Variants in PHEX observed in about 807,000 individuals in gnomAD.
PHEX encodes phosphate-regulating neutral endopeptidase PHEX.
Under a neutral mutation model 68.0 loss-of-function variants are expected in PHEX, and 16 were observed. The observed-to-expected ratio is 0.24, with a 90% CI of 0.16 to 0.36. The LOEUF is 0.36. PHEX is among the 10% of genes least tolerant of loss of function. The probability of loss-of-function intolerance (pLI) is 1.00; values close to 1 mark genes in which losing one functional copy is unlikely to be tolerated. For synonymous variants in PHEX, 208 were observed against 205.1 expected (o/e 1.01, Z -0.12); for missense variants, 480 against 575.5 (o/e 0.83, Z 1.70).
intron 9 of PHEX, among the ~76,000 whole-genome samples, chrX:22,109,343 C>T (rs1930852810): frequency 8.9e-6 from 1 of 111,970 alleles, no homozygotes; most frequent in African/African-American, 3.2e-5. Flanking sequence ...AAGAATTAAC[C>T]CAATGGTGTT....
At chrX:22,161,555 C>T (rs914724950) in intron 12 of PHEX, among the ~76,000 whole-genome samples, 7 of 112,165 alleles carry the variant, frequency 6.2e-5, no homozygotes, top group African/African-American at 2.3e-4. Flanking sequence ...TTTTCTGATA[C>T]TCTTGATGAC....
intron 5 of PHEX, among the ~76,000 whole-genome samples, chrX:22,086,555 G>C (rs1929637762): frequency 9.0e-6 from 1 of 111,297 alleles, no homozygotes; most frequent in Non-Finnish European, 1.9e-5. Flanking sequence ...TCCTTTGTCT[G>C]CTTGGAGTTT....
At chrX:22,072,972 A>C (rs1212734809) in intron 3 of PHEX, among the ~76,000 whole-genome samples, 3 of 112,257 alleles carry the variant, frequency 2.7e-5, no homozygotes, top group Non-Finnish European at 5.6e-5. Context: ...GTTAACACTG[A>C]TTGCAAAATA....
Position 22,250,552 on chromosome X carries a change from G to C in PHEX, c.*2599G>C, listed in dbSNP as rs947698245. ...GCCAGCGAACTGTTGTCTGGGCATT[G>C]GAAGGAGTTAGGTTTTTTGTGTTTG... On this transcript the variant is annotated 3_prime_UTR_variant, in exon 22 of 22. Coordinates refer to ENST00000379374, the MANE Select transcript of PHEX (RefSeq NM_000444.6). 5 of 112,019 alleles carry C rather than the reference G, an allele frequency of 4.5e-5. No homozygotes were observed. The highest frequency in any genetic ancestry group is 1.6e-4 in the African/African-American group (5 of 30,800). The allele number at this position is 112,019 out of a possible 1,213,427, so 9.2% of individuals were successfully genotyped here. A position where few individuals can be genotyped will look rare whatever the true frequency, so the allele number is the denominator to read the frequency against.
At chrX:22,115,096 G>A (rs937648230) in intron 11 of PHEX, among the ~76,000 whole-genome samples, 4 of 111,683 alleles carry the variant, frequency 3.6e-5, no homozygotes, top group African/African-American at 1.3e-4. Context: ...GAGAGGCTAA[G>A]CCGGGCAGAT....
At chrX:22,182,623 G>T (rs756834414) in intron 14 of PHEX, among the ~76,000 whole-genome samples, 3 of 104,251 alleles carry the variant, frequency 2.9e-5, no homozygotes, top group African/African-American at 7.6e-5. Context: ...TGTGTGTGTG[G>T]CTAGTTGTTC....
chrX:22,215,247 G>C (rs2301327), intron 16 of PHEX, among the ~76,000 whole-genome samples: 34,067 of 110,086 alleles, frequency 0.31, 4,012 homozygotes, highest in Middle Eastern at 0.37. Context: ...CTAAAGACTT[G>C]TTTGTCCTCA....
chrX:22,129,807 T>C (rs1292471496), intron 11 of PHEX, among the ~76,000 whole-genome samples: 1 of 111,653 alleles, frequency 9.0e-6, no homozygotes, highest in Non-Finnish European at 1.9e-5. Context: ...AGCATATGCA[T>C]GAAACCCAAA....
intron 5 of PHEX, among the ~76,000 whole-genome samples, chrX:22,086,308 C>A (rs1929626616): frequency 8.9e-6 from 1 of 111,924 alleles, no homozygotes; most frequent in African/African-American, 3.2e-5. Context: ...GGTAGTCCCA[C>A]CTCCCCTCTT....
At chrX:22,226,299 T>C in intron 18 of PHEX, 144 bp from the exon 19 acceptor site, 1 of 484,140 alleles carries the variant, frequency 2.1e-6, no homozygotes, top group Admixed American at 3.0e-5. Context: ...TACAATATAT[T>C]ATGCCTACCT....
intron 9 of PHEX, among the ~76,000 whole-genome samples, chrX:22,105,073 C>T (rs1239200689): frequency 8.9e-6 from 1 of 112,068 alleles, no homozygotes; most frequent in Non-Finnish European, 1.9e-5. Context: ...CTCCTGGGGG[C>T]CAGCTCTTCT....
intron 5 of PHEX, among the ~76,000 whole-genome samples, chrX:22,084,799 C>T (rs1470071442): frequency 1.8e-5 from 2 of 110,540 alleles, no homozygotes; most frequent in African/African-American, 6.6e-5. Context: ...TATAGCTGTT[C>T]ATAATAGTCT....
At position 22,033,231 on chromosome X, in the gene PHEX, C is replaced by A. The variant is rs1309907924; in HGVS notation, c.118+108C>A. On this transcript the variant is annotated intron_variant, in intron 1 of 21. Coordinates refer to ENST00000379374, the MANE Select transcript of PHEX (RefSeq NM_000444.6). ...ACACAGGTATAGGGCTGTTTGCCTG[C>A]GTTCATAGGTGGTGTATCTTTAGTT... 4 of 559,268 alleles carry A rather than the reference C, an allele frequency of 7.2e-6. No homozygotes were observed. In the African/African-American group the frequency reaches 9.1e-5, roughly 13 times the overall value. The allele number at this position is 559,268 out of a possible 1,213,427, so 46.1% of individuals were successfully genotyped here. A position where few individuals can be genotyped will look rare whatever the true frequency, so the allele number is the denominator to read the frequency against.
chrX:22,042,679 G>A (rs1046186132), intron 2 of PHEX, among the ~76,000 whole-genome samples: 1 of 111,385 alleles, frequency 9.0e-6, no homozygotes, highest in African/African-American at 3.3e-5. Context: ...CAGCTACCTG[G>A]GAGGCCGAGG....
chrX:22,191,941 GTATGATACTAT>G (rs1934211415), intron 15 of PHEX, among the ~76,000 whole-genome samples: 2 of 112,302 alleles, frequency 1.8e-5, no homozygotes, highest in Non-Finnish European at 3.8e-5. Context: ...AATATATCAA[GTATGATACTAT>G]ATAAATAAAG....
intron 12 of PHEX, among the ~76,000 whole-genome samples, chrX:22,165,487 G>C (rs1327268042): frequency 9.0e-6 from 1 of 111,162 alleles, no homozygotes; most frequent in Non-Finnish European, 1.9e-5. Context: ...GGGCTGCTTG[G>C]GTGGAGGCAG....
chrX:22,051,846 C>T lies in PHEX; in HGVS notation c.349+4635C>T, dbSNP rs1156708670. ...ATAAATATCGATATAAATACAGATA[C>T]ATAGATTTTTTTCTGAACTCTGCAA... On this transcript the variant is annotated intron_variant, in intron 3 of 21. Transcript: ENST00000379374. Among the ~76,000 whole-genome samples, 3 of 111,409 alleles carry T rather than the reference C, an allele frequency of 2.7e-5. No homozygotes were observed. In the East Asian group the frequency reaches 8.4e-4, roughly 31 times the overall value.
intron 9 of PHEX, among the ~76,000 whole-genome samples, chrX:22,104,906 C>T (rs1930609163): frequency 8.9e-6 from 1 of 112,248 alleles, no homozygotes; most frequent in Non-Finnish European, 1.9e-5. Context: ...GCAGACTGGC[C>T]TAGAGCAAAC....
chrX:22,176,632 T>A (rs750988638), intron 13 of PHEX, among the ~76,000 whole-genome samples: 90 of 109,994 alleles, frequency 8.2e-4, no homozygotes, highest in African/African-American at 2.9e-3. Context: ...TGCGTCTATC[T>A]CCATCTCTGC....
Sources: gnomAD v4.1 joint callset for allele counts (sites outside exome capture counted in the v4.1 genomes callset) on GRCh38, gnomAD v4.1.1 for gene constraint, MANE v1.5 for transcripts, NCBI Gene and HGNC (gene_info 2026-07-23, HGNC 2026-07-21) for gene names.